The following DYRK1A variants were observed in gnomAD, a reference collection of about 807,000 sequenced individuals.
The protein encoded by DYRK1A is dual specificity tyrosine-phosphorylation-regulated kinase 1A.
DYRK1A carries 9 observed loss-of-function variants against 79.7 expected under a neutral mutation model. That is an observed-to-expected ratio of 0.11 (90% CI 0.07 to 0.20). The LOEUF is 0.20. DYRK1A is among the 10% of genes least tolerant of loss of function. The probability of loss-of-function intolerance (pLI) is 1.00; values close to 1 mark genes in which losing one functional copy is unlikely to be tolerated. For missense variants in DYRK1A, 622 were observed against 956.0 expected (o/e 0.65, Z 4.61); for synonymous variants, 349 against 329.7 (o/e 1.06, Z -0.63).
intron 2 of DYRK1A, among the ~76,000 whole-genome samples, chr21:37,456,780 T>A (rs1185232394): frequency 6.6e-6 from 1 of 152,142 alleles, no homozygotes; most frequent in Non-Finnish European, 1.5e-5. Flanking sequence ...ATGCAATACA[T>A]GCTGGAATAA....
intron 2 of DYRK1A, among the ~76,000 whole-genome samples, chr21:37,432,731 G>T (rs1345692235): frequency 3.3e-5 from 5 of 152,052 alleles, no homozygotes; most frequent in African/African-American, 1.2e-4. Context: ...CTGTTTCCGT[G>T]TCTCAAGCAT....
At position 37,505,278 on chromosome 21, in the gene DYRK1A, T is replaced by C. The variant is rs2053560057; in HGVS notation, c.1213-5T>C. The C allele has an allele frequency of 1.9e-6, 3 of 1,603,138 alleles. No homozygotes were observed. Among genetic ancestry groups the C allele is most frequent in the Non-Finnish European group, 2.6e-6 (3 of 1,172,720 alleles). ...AGAGAAAGCCTTTCATCTTCTCTCT[T>C]ACAGGAGTACAAACCACCAGGAACC... On this transcript the variant is annotated splice_polypyrimidine_tract_variant and splice_region_variant and intron_variant, in intron 9 of 11. Transcript: ENST00000647188.
intron 3 of DYRK1A, among the ~76,000 whole-genome samples, chr21:37,476,450 G>A (rs1601211341): frequency 6.6e-6 from 1 of 152,256 alleles, no homozygotes; most frequent in East Asian, 1.9e-4. Flanking sequence ...CAGTAATGAA[G>A]CATTGCACTG....
At chr21:37,438,701 A>G (rs573857434) in intron 2 of DYRK1A, among the ~76,000 whole-genome samples, 5 of 152,310 alleles carry the variant, frequency 3.3e-5, no homozygotes, top group African/African-American at 1.2e-4. Context: ...TGATACCAAT[A>G]CCATATTGTG....
chr21:37,483,690 C>G (rs1400459867), intron 5 of DYRK1A, among the ~76,000 whole-genome samples: 1 of 152,028 alleles, frequency 6.6e-6, no homozygotes, highest in Non-Finnish European at 1.5e-5. Context: ...TCAAGTGATC[C>G]TCCCACTTCA....
intron 2 of DYRK1A, among the ~76,000 whole-genome samples, chr21:37,438,015 T>G (rs1269547935): frequency 6.6e-6 from 1 of 152,174 alleles, no homozygotes; most frequent in African/African-American, 2.4e-5. Flanking sequence ...TATTTGGTGG[T>G]CAGCCTTTTT....
At chr21:37,404,854 G>T (rs955886171) in intron 1 of DYRK1A, among the ~76,000 whole-genome samples, 1 of 152,224 alleles carries the variant, frequency 6.6e-6, no homozygotes, top group African/African-American at 2.4e-5. Context: ...CTTTGCAGGT[G>T]CTTGGAGGAA....
intron 5 of DYRK1A, among the ~76,000 whole-genome samples, chr21:37,485,211 A>T (rs1190698373): frequency 6.6e-6 from 1 of 152,188 alleles, no homozygotes; most frequent in Non-Finnish European, 1.5e-5. Context: ...GCAAGTCAGT[A>T]GATACTTGGG....
At chr21:37,466,225 G>C (rs569051539) in intron 2 of DYRK1A, among the ~76,000 whole-genome samples, 1 of 151,990 alleles carries the variant, frequency 6.6e-6, no homozygotes, top group Non-Finnish European at 1.5e-5. Flanking sequence ...TGGATGTCTT[G>C]TGAATACAGT....
chr21:37,509,907 T>C (rs2053703059), intron 11 of DYRK1A, among the ~76,000 whole-genome samples: 1 of 152,230 alleles, frequency 6.6e-6, no homozygotes, highest in Non-Finnish European at 1.5e-5. Context: ...AGTTTTAAAT[T>C]CTGTTATGAG....
intron 2 of DYRK1A, among the ~76,000 whole-genome samples, chr21:37,433,063 A>G (rs1212772898): frequency 2.7e-5 from 4 of 150,116 alleles, no homozygotes; most frequent in Non-Finnish European, 5.9e-5. Flanking sequence ...ATATATATAT[A>G]TATGTAATGA....
intron 8 of DYRK1A, among the ~76,000 whole-genome samples, chr21:37,495,866 T>G (rs1241934639): frequency 6.6e-6 from 1 of 152,188 alleles, no homozygotes; most frequent in Admixed American, 6.5e-5. Flanking sequence ...TCATCTTTCC[T>G]TACTGTTCAA....
intron 2 of DYRK1A, among the ~76,000 whole-genome samples, chr21:37,470,278 C>T (rs1272136240): frequency 6.6e-6 from 1 of 152,034 alleles, no homozygotes; most frequent in Non-Finnish European, 1.5e-5. Context: ...GCCATTTTTT[C>T]CCCGTTTCGT....
chr21:37,457,037 CTTATTTAT>C (rs57947572), intron 2 of DYRK1A, among the ~76,000 whole-genome samples: 981 of 59,174 alleles, frequency 0.017, 7 homozygotes, highest in African/African-American at 0.038. Flanking sequence ...TACTTACTTA[CTTATTTAT>C]TTATTTATTT....
chr21:37,495,761 C>T (rs966617689), intron 8 of DYRK1A, among the ~76,000 whole-genome samples: 4 of 152,144 alleles, frequency 2.6e-5, no homozygotes, highest in Non-Finnish European at 4.4e-5. Context: ...CACTGTACTC[C>T]AGCCTGGGTG....
intron 1 of DYRK1A, among the ~76,000 whole-genome samples, chr21:37,384,180 A>G (rs2148375063): frequency 6.6e-6 from 1 of 152,254 alleles, no homozygotes; most frequent in Admixed American, 6.5e-5. Context: ...AGGGGTAACC[A>G]AGGGTGGTTG....
chr21:37,467,398 G>A (rs1160416574), intron 2 of DYRK1A, among the ~76,000 whole-genome samples: 4 of 152,098 alleles, frequency 2.6e-5, no homozygotes, highest in Admixed American at 2.6e-4. Flanking sequence ...CCCTACTAAT[G>A]TTTTAATTTT....
intron 3 of DYRK1A, among the ~76,000 whole-genome samples, chr21:37,474,188 G>T (rs1353895940): frequency 2.0e-5 from 3 of 152,074 alleles, no homozygotes; most frequent in African/African-American, 7.2e-5. Flanking sequence ...CTAACCTCTG[G>T]TGTCTACAGC....
At position 37,425,280 on chromosome 21, in the gene DYRK1A, C is replaced by T. The variant is rs1046228389; in HGVS notation, c.10+4896C>T. On this transcript the variant is annotated intron_variant, in intron 2 of 11. Transcript: ENST00000647188. Reference sequence around the variant, plus strand: ...CAAATGCAAAAAGAATAATTTTTGGCATCCTAATGGCATTTTTAATGCCTA... The same window carrying T: ...CAAATGCAAAAAGAATAATTTTTGGTATCCTAATGGCATTTTTAATGCCTA... 2.0e-5 allele frequency among the ~76,000 whole-genome samples: 3 copies of T among 152,156 alleles called. No homozygotes were observed. In the South Asian group the frequency reaches 6.2e-4, roughly 32 times the overall value.
Sources: gnomAD v4.1 joint callset for allele counts (sites outside exome capture counted in the v4.1 genomes callset) on GRCh38, gnomAD v4.1.1 for gene constraint, MANE v1.5 for transcripts, NCBI Gene and HGNC (gene_info 2026-07-23, HGNC 2026-07-21) for gene names.